Variants in STX8 observed in about 807,000 individuals in gnomAD.
The protein encoded by STX8 is syntaxin 8, also known as syntaxin-8.
A neutral mutation model predicts 37.5 loss-of-function variants in STX8; 23 were observed. The observed-to-expected ratio is 0.61, with a 90% CI of 0.44 to 0.87. The LOEUF (loss-of-function observed/expected upper bound fraction) is 0.87, where lower values mean the gene tolerates loss of function less well. Among genes scored for constraint, STX8 ranks in the 40% least tolerant of loss-of-function variants. STX8 has a pLI of 0.00. For missense variants in STX8, 313 were observed against 284.7 expected (o/e 1.10, Z -0.71); for synonymous variants, 115 against 99.1 (o/e 1.16, Z -0.95).
In STX8 at chr17:9,507,941, A is replaced by G. The variant is rs894517735; in HGVS notation, c.324-2779T>C. Reference sequence around the variant, plus strand: ...ATACAAATATTTCTTTCCCTGCAAAACCTACCACATAAAATTGGAAGAGGC... The same window carrying G: ...ATACAAATATTTCTTTCCCTGCAAAGCCTACCACATAAAATTGGAAGAGGC... On this transcript the variant is annotated intron_variant, in intron 4 of 7. Transcript: ENST00000306357. The surrounding 1 kb of genome is among the most constrained non-coding windows in gnomAD (Gnocchi z 4.0). 6.6e-6 allele frequency among the ~76,000 whole-genome samples: 1 copy of G among 152,196 alleles called. No individual in the cohort carries two copies. The highest frequency in any genetic ancestry group is 2.4e-5 in the African/African-American group (1 of 41,450).
chr17:9,287,235 T>C (rs1908108776), intron 7 of STX8, among the ~76,000 whole-genome samples: 2 of 152,014 alleles, frequency 1.3e-5, no homozygotes, highest in South Asian at 4.2e-4. Flanking sequence ...AGATTTGGGG[T>C]GGGGCAGGCT....
intron 4 of STX8, among the ~76,000 whole-genome samples, chr17:9,543,593 C>T (rs1471829260): frequency 1.3e-5 from 2 of 152,220 alleles, no homozygotes; most frequent in Non-Finnish European, 2.9e-5. Flanking sequence ...GCGTGAGCCA[C>T]TGCACCCAGG....
intron 7 of STX8, among the ~76,000 whole-genome samples, chr17:9,342,614 T>C (rs1910400383): frequency 6.6e-6 from 1 of 151,936 alleles, no homozygotes; most frequent in African/African-American, 2.4e-5. Flanking sequence ...GGGTTTCAAG[T>C]GTGTGTGGCG....
chr17:9,361,324 A>G (rs1472646737), intron 7 of STX8, among the ~76,000 whole-genome samples: 1 of 152,262 alleles, frequency 6.6e-6, no homozygotes, highest in East Asian at 1.9e-4. Flanking sequence ...TATTTTCTAA[A>G]TACCACAGAT....
chr17:9,334,273 G>C (rs1910069888), intron 7 of STX8, among the ~76,000 whole-genome samples: 1 of 151,986 alleles, frequency 6.6e-6, no homozygotes, highest in Non-Finnish European at 1.5e-5. Flanking sequence ...GTTTAGGGAG[G>C]GCCAGAATCT....
intron 7 of STX8, among the ~76,000 whole-genome samples, chr17:9,300,488 C>A (rs1316130002): frequency 6.6e-6 from 1 of 152,032 alleles, no homozygotes; most frequent in Non-Finnish European, 1.5e-5. Flanking sequence ...GGGTTTTGAA[C>A]CTTAGAAATG....
chr17:9,361,949 AGAAAG>A (rs1911076062), intron 7 of STX8, among the ~76,000 whole-genome samples: 1 of 152,262 alleles, frequency 6.6e-6, no homozygotes. Context: ...ACAGTTTTAA[AGAAAG>A]GAAAGGCATC....
intron 6 of STX8, among the ~76,000 whole-genome samples, chr17:9,459,969 AG>A (rs1905306653): frequency 6.6e-6 from 1 of 152,206 alleles, no homozygotes; most frequent in South Asian, 2.1e-4. Flanking sequence ...CCGAATAGAG[AG>A]GCAGCTGGCA....
At chr17:9,401,239 C>T (rs1912606926) in intron 6 of STX8, among the ~76,000 whole-genome samples, 1 of 152,272 alleles carries the variant, frequency 6.6e-6, no homozygotes, top group African/African-American at 2.4e-5. Flanking sequence ...TTTCTGGGTT[C>T]TTCCTCTTGT....
chr17:9,254,683 A>T (rs1344120086), intron 7 of STX8, among the ~76,000 whole-genome samples: 2 of 152,032 alleles, frequency 1.3e-5, no homozygotes, highest in African/African-American at 4.8e-5. Flanking sequence ...GGCGTGAGCC[A>T]CCGCGCCCGG....
intron 6 of STX8, among the ~76,000 whole-genome samples, chr17:9,406,382 TCAGG>T (rs1456891804): frequency 6.6e-6 from 1 of 152,200 alleles, no homozygotes; most frequent in East Asian, 1.9e-4. Context: ...CGATAACTGC[TCAGG>T]CAGAGATGAT....
At chr17:9,301,331 T>A (rs545544610) in intron 7 of STX8, among the ~76,000 whole-genome samples, 1 of 152,282 alleles carries the variant, frequency 6.6e-6, no homozygotes, top group African/African-American at 2.4e-5. Flanking sequence ...TTTTAGTATC[T>A]ACTAAGGTGA....
At chr17:9,539,193 G>A (rs1906175498) in intron 4 of STX8, among the ~76,000 whole-genome samples, 1 of 152,128 alleles carries the variant, frequency 6.6e-6, no homozygotes. Flanking sequence ...TAAAGGAAAT[G>A]CTAATCCAAA....
intron 7 of STX8, among the ~76,000 whole-genome samples, chr17:9,278,874 G>A (rs1480281451): frequency 6.6e-6 from 1 of 152,012 alleles, no homozygotes; most frequent in Non-Finnish European, 1.5e-5. Context: ...CACTGGAAGG[G>A]AGGACTCTGG....
At chr17:9,319,497 G>C (rs1352819969) in intron 7 of STX8, among the ~76,000 whole-genome samples, 1 of 152,028 alleles carries the variant, frequency 6.6e-6, no homozygotes, top group African/African-American at 2.4e-5. Context: ...GAAAATTTAA[G>C]TTATACAATA....
Position 9,381,961 on chromosome 17 carries a change from T to A in STX8, c.542-3308A>T, listed in dbSNP as rs145324419. On this transcript the variant is annotated intron_variant, in intron 6 of 7. Coordinates refer to ENST00000306357, the MANE Select transcript of STX8 (RefSeq NM_004853.3). ...TCCAGCCTGGGTGACAGAGCAAGAC[T>A]CTGTCTTGGGGGAAAAAACAAACAA... 7.9e-5 allele frequency among the ~76,000 whole-genome samples: 12 copies of A among 151,114 alleles called. No homozygotes were observed. In the East Asian group the frequency reaches 2.3e-3, roughly 29 times the overall value.
intron 7 of STX8, among the ~76,000 whole-genome samples, chr17:9,349,892 C>T (rs554069774): frequency 6.6e-6 from 1 of 152,142 alleles, no homozygotes; most frequent in South Asian, 2.1e-4. Context: ...ACCACCACAC[C>T]GGGCTAGTTT....
chr17:9,483,637 C>G (rs1906443981), intron 6 of STX8, among the ~76,000 whole-genome samples: 1 of 152,148 alleles, frequency 6.6e-6, no homozygotes, highest in African/African-American at 2.4e-5. Context: ...AAATCTTTAT[C>G]TGATCCTTTT....
intron 6 of STX8, among the ~76,000 whole-genome samples, chr17:9,396,403 G>T (rs1029391988): frequency 6.6e-6 from 1 of 152,106 alleles, no homozygotes; most frequent in Admixed American, 6.6e-5. Context: ...CTCTATATGG[G>T]CCGGGCGCAG....
Sources: gnomAD v4.1 joint callset for allele counts (sites outside exome capture counted in the v4.1 genomes callset) on GRCh38, gnomAD v4.1.1 for gene constraint, Gnocchi (gnomAD v3.1) non-coding constraint, MANE v1.5 for transcripts, NCBI Gene and HGNC (gene_info 2026-07-23, HGNC 2026-07-21) for gene names.